The following WARS2 variants were observed in gnomAD, a reference collection of about 807,000 sequenced individuals.
The protein encoded by WARS2 is tryptophan--tRNA ligase, mitochondrial.
A neutral mutation model predicts 36.5 loss-of-function variants in WARS2; 28 were observed. That is an observed-to-expected ratio of 0.77 (90% confidence interval 0.57 to 1.05). WARS2 has a LOEUF of 1.05. Among genes scored for constraint, WARS2 ranks in the 50% least tolerant of loss-of-function variants. The probability of loss-of-function intolerance (pLI) is 0.00; values close to 1 mark genes in which losing one functional copy is unlikely to be tolerated. For missense variants in WARS2, 435 were observed against 456.8 expected (o/e 0.95, Z 0.44); for synonymous variants, 174 against 178.4 (o/e 0.98, Z 0.20).
At chr1:119,124,432 G>C (rs983223133) in intron 1 of WARS2, among the ~76,000 whole-genome samples, 16 of 152,154 alleles carry the variant, frequency 1.1e-4, no homozygotes, top group African/African-American at 3.9e-4. Flanking sequence ...GGAGGTTGCA[G>C]TGAGCCGAGA....
chr1:119,036,872 T>C (rs190973385), intron 4 of WARS2, among the ~76,000 whole-genome samples: 1 of 152,324 alleles, frequency 6.6e-6, no homozygotes, highest in Admixed American at 6.5e-5. Flanking sequence ...CTGATTTTAG[T>C]GTGTTTGTTT....
In WARS2 at chr1:119,034,227, C is replaced by T; in HGVS notation, c.516-14G>A. 1 of 1,606,104 alleles carries T rather than the reference C, an allele frequency of 6.2e-7. No homozygotes were observed. Among genetic ancestry groups the T allele is most frequent in the African/African-American group, 1.3e-5 (1 of 74,804 alleles). On this transcript the variant is annotated splice_polypyrimidine_tract_variant and intron_variant, in intron 4 of 5. Transcript: ENST00000235521. ...ACGTGTGTGGACCTTTAATAAAAGA[C>T]AGACAGAAAAACAACAGCAAGGCTC...
chr1:119,077,455 C>T (rs1009002647), intron 1 of WARS2, among the ~76,000 whole-genome samples: 1 of 152,130 alleles, frequency 6.6e-6, no homozygotes, highest in Non-Finnish European at 1.5e-5. Flanking sequence ...AAGGCTACTA[C>T]TATTGCCTTA....
intron 4 of WARS2, among the ~76,000 whole-genome samples, chr1:119,041,216 G>A (rs1648327967): frequency 6.6e-6 from 1 of 152,208 alleles, no homozygotes; most frequent in African/African-American, 2.4e-5. Flanking sequence ...GGAAAGGGAT[G>A]CAAAAACACT....
intron 2 of WARS2, among the ~76,000 whole-genome samples, chr1:119,068,263 C>T (rs1402375554): frequency 6.6e-6 from 1 of 152,138 alleles, no homozygotes; most frequent in Non-Finnish European, 1.5e-5. Flanking sequence ...AATGGAAGCA[C>T]TAGACTCTCT....
At chr1:119,140,423 G>C (rs892967841) in intron 1 of WARS2, 132 bp downstream of exon 1, 1 of 739,426 alleles carries the variant, frequency 1.4e-6, no homozygotes, top group African/African-American at 1.8e-5. Flanking sequence ...AGTCATAGAC[G>C]AGTAGACCTT....
At chr1:119,110,854 C>T (rs587770784) in intron 1 of WARS2, among the ~76,000 whole-genome samples, 2 of 151,942 alleles carry the variant, frequency 1.3e-5, no homozygotes, top group Admixed American at 6.6e-5. Flanking sequence ...TTTCTCATTG[C>T]TTTTCAGTTT....
At chr1:119,098,583 G>T (rs950833532) in intron 1 of WARS2, among the ~76,000 whole-genome samples, 3 of 151,550 alleles carry the variant, frequency 2.0e-5, no homozygotes, top group African/African-American at 7.3e-5. Flanking sequence ...CATTACAGGC[G>T]CCCGCCATCA....
At chr1:119,103,887 A>C (rs1342320326) in intron 1 of WARS2, among the ~76,000 whole-genome samples, 1 of 151,366 alleles carries the variant, frequency 6.6e-6, no homozygotes, top group East Asian at 1.9e-4. Flanking sequence ...AATTAAAAGA[A>C]AAAATAGATT....
At chr1:119,052,009 C>T (rs1201528863) in intron 2 of WARS2, among the ~76,000 whole-genome samples, 1 of 152,062 alleles carries the variant, frequency 6.6e-6, no homozygotes. Flanking sequence ...ATCCACCTGC[C>T]TCAGCCTCCC....
chr1:119,076,294 T>C, intron 2 of WARS2, 56 bp downstream of exon 2: 5 of 1,586,364 alleles, frequency 3.2e-6, no homozygotes, highest in Non-Finnish European at 4.3e-6. Flanking sequence ...TTCAACATTT[T>C]TTCCTCAAAT....
chr1:119,058,189 C>T (rs6668960), intron 2 of WARS2, among the ~76,000 whole-genome samples: 49,373 of 151,904 alleles, frequency 0.33, 9,473 homozygotes, highest in African/African-American at 0.54. Context: ...GGACATCTAG[C>T]TGGAGACCTA....
intron 2 of WARS2, chr1:119,063,226 G>C (rs1650530083): frequency 6.5e-6 from 1 of 152,694 alleles, no homozygotes; most frequent in African/African-American, 2.4e-5. Context: ...GTGGAACTTT[G>C]AACTTGAGAA....
intron 1 of WARS2, among the ~76,000 whole-genome samples, chr1:119,131,457 T>TG: frequency 7.4e-6 from 1 of 135,082 alleles, no homozygotes; most frequent in Non-Finnish European, 1.6e-5. Flanking sequence ...CAAAGTTTTT[T>TG]GTTTTTTGTT....
intron 1 of WARS2, among the ~76,000 whole-genome samples, chr1:119,080,595 T>C (rs1026734126): frequency 3.3e-5 from 5 of 152,162 alleles, no homozygotes; most frequent in Non-Finnish European, 7.4e-5. Flanking sequence ...ACTGGATACC[T>C]GGTCTTAAAA....
At chr1:119,090,106 A>G (rs1652939521) in intron 1 of WARS2, among the ~76,000 whole-genome samples, 2 of 151,892 alleles carry the variant, frequency 1.3e-5, no homozygotes, top group Non-Finnish European at 2.9e-5. Flanking sequence ...TATCCTGCAC[A>G]TGTAGCCTTG....
intron 1 of WARS2, among the ~76,000 whole-genome samples, chr1:119,127,462 G>A (rs953681637): frequency 7.9e-5 from 12 of 152,130 alleles, no homozygotes; most frequent in African/African-American, 1.7e-4. Flanking sequence ...CTTTTATCTC[G>A]ATGTTCTTAT....
intron 1 of WARS2, among the ~76,000 whole-genome samples, chr1:119,115,623 T>C (rs930661710): frequency 2.0e-5 from 3 of 152,158 alleles, no homozygotes; most frequent in African/African-American, 4.8e-5. Context: ...CCCTATGAGC[T>C]TTTCAGGGAT....
At chr1:119,069,433 G>A (rs548916305) in intron 2 of WARS2, among the ~76,000 whole-genome samples, 1 of 152,110 alleles carries the variant, frequency 6.6e-6, no homozygotes, top group Admixed American at 6.5e-5. Context: ...CAGTATAAAG[G>A]AAATAGCAAA....
Sources: gnomAD v4.1 joint callset for allele counts (sites outside exome capture counted in the v4.1 genomes callset) on GRCh38, gnomAD v4.1.1 for gene constraint, MANE v1.5 for transcripts, NCBI Gene and HGNC (gene_info 2026-07-23, HGNC 2026-07-21) for gene names.